Variants in ELMO1 observed in about 807,000 individuals in gnomAD.
ELMO1 encodes the protein engulfment and cell motility protein 1.
A neutral mutation model predicts 98.9 loss-of-function variants in ELMO1; 26 were observed. That is an observed-to-expected ratio of 0.26 (90% CI 0.19 to 0.36). The LOEUF is 0.36. Ranked by LOEUF, ELMO1 falls within the 10% of genes least tolerant of loss-of-function variation. The pLI, the probability that ELMO1 is intolerant of heterozygous loss-of-function variation, is 1.00. For synonymous variants in ELMO1, 346 were observed against 346.0 expected (o/e 1.00, Z 0.00); for missense variants, 627 against 935.2 (o/e 0.67, Z 4.30).
intron 11 of ELMO1, among the ~76,000 whole-genome samples, chr7:37,216,193 C>A (rs2130476448): frequency 6.6e-6 from 1 of 151,672 alleles, no homozygotes; most frequent in East Asian, 2.0e-4. Context: ...ATGAGTGGCT[C>A]CTATCTATAT....
At chr7:37,098,269 C>A (rs541676046) in intron 14 of ELMO1, among the ~76,000 whole-genome samples, 1 of 152,274 alleles carries the variant, frequency 6.6e-6, no homozygotes, top group South Asian at 2.1e-4. Flanking sequence ...TGTTATCCAC[C>A]AGGAAGATGG....
intron 14 of ELMO1, among the ~76,000 whole-genome samples, chr7:37,122,438 G>A (rs1185376124): frequency 6.6e-6 from 1 of 152,152 alleles, no homozygotes; most frequent in Non-Finnish European, 1.5e-5. Context: ...AGGGATGGAG[G>A]AAGATCTACC....
chr7:37,323,590 T>C (rs998185973), intron 2 of ELMO1, among the ~76,000 whole-genome samples: 21 of 152,080 alleles, frequency 1.4e-4, no homozygotes, highest in African/African-American at 4.8e-4. Flanking sequence ...CTAGGGAGGC[T>C]GAGGCAGGAG....
At chr7:37,115,112 C>A (rs1785498943) in intron 14 of ELMO1, among the ~76,000 whole-genome samples, 1 of 152,118 alleles carries the variant, frequency 6.6e-6, no homozygotes, top group East Asian at 1.9e-4. Context: ...TAATTAATGA[C>A]CTTCCAAAAT....
chr7:37,120,178 T>C (rs1297554423), intron 14 of ELMO1, among the ~76,000 whole-genome samples: 1 of 152,184 alleles, frequency 6.6e-6, no homozygotes, highest in African/African-American at 2.4e-5. Context: ...GATGGCCAAA[T>C]AGGAACAGCT....
At chr7:37,305,445 A>T (rs1430431733) in intron 4 of ELMO1, among the ~76,000 whole-genome samples, 3 of 122,820 alleles carry the variant, frequency 2.4e-5, no homozygotes, top group Admixed American at 7.9e-5. Context: ...CAGTACAGAT[A>T]GTGTGTGTGT....
chr7:37,251,627 C>G (rs557393345), intron 6 of ELMO1, among the ~76,000 whole-genome samples: 1 of 152,314 alleles, frequency 6.6e-6, no homozygotes, highest in Non-Finnish European at 1.5e-5. Context: ...CAATATCATA[C>G]TGAATGAGCA....
intron 13 of ELMO1, among the ~76,000 whole-genome samples, chr7:37,172,582 A>C (rs1346458665): frequency 1.3e-5 from 2 of 152,202 alleles, no homozygotes; most frequent in African/African-American, 4.8e-5. Flanking sequence ...ATTTGCTGTA[A>C]ATGGAGGAGC....
chr7:37,163,799 C>T (rs1027035360), intron 13 of ELMO1, among the ~76,000 whole-genome samples: 13 of 152,260 alleles, frequency 8.5e-5, no homozygotes, highest in South Asian at 2.1e-4. Flanking sequence ...AATAAACATA[C>T]GTGTGCATGT....
chr7:37,221,732 C>T (rs1793609309), intron 10 of ELMO1, among the ~76,000 whole-genome samples: 3 of 149,160 alleles, frequency 2.0e-5, no homozygotes, highest in African/African-American at 5.0e-5. Flanking sequence ...CTTGCTCTGT[C>T]GCCCAAGCTG....
At chr7:37,420,431 GATTTT>G in intron 1 of ELMO1, among the ~76,000 whole-genome samples, 2 of 152,302 alleles carry the variant, frequency 1.3e-5, no homozygotes, top group South Asian at 4.1e-4. Flanking sequence ...TTTTGTACCT[GATTTT>G]GTGTTATTTT....
intron 13 of ELMO1, among the ~76,000 whole-genome samples, chr7:37,151,520 A>G (rs1447814409): frequency 6.6e-6 from 1 of 152,130 alleles, no homozygotes; most frequent in Non-Finnish European, 1.5e-5. Context: ...GGGTAAACAT[A>G]TTGGGTTGAA....
chr7:37,206,245 A>C (rs571117456), intron 13 of ELMO1, among the ~76,000 whole-genome samples: 2 of 152,316 alleles, frequency 1.3e-5, no homozygotes, highest in South Asian at 4.1e-4. Context: ...TCTACACAAC[A>C]CACATATTGA....
chr7:36,879,810 T>C (rs1804276939), intron 18 of ELMO1, among the ~76,000 whole-genome samples: 1 of 152,238 alleles, frequency 6.6e-6, no homozygotes, highest in African/African-American at 2.4e-5. Flanking sequence ...TTATGCTATG[T>C]ATATACCAAA....
intron 16 of ELMO1, 128 bp from the exon 17 acceptor site, chr7:36,895,145 C>A: frequency 9.8e-7 from 1 of 1,025,068 alleles, no homozygotes. Flanking sequence ...TAACCTTGAG[C>A]ATGCTTTTCC....
At chr7:37,149,891 C>T (rs1453865399) in intron 13 of ELMO1, among the ~76,000 whole-genome samples, 1 of 152,262 alleles carries the variant, frequency 6.6e-6, no homozygotes, top group Non-Finnish European at 1.5e-5. Flanking sequence ...ATGTTTTGTT[C>T]CCCTGGATAC....
At chr7:36,916,157 T>C (rs1784674665) in intron 16 of ELMO1, among the ~76,000 whole-genome samples, 1 of 152,344 alleles carries the variant, frequency 6.6e-6, no homozygotes, top group South Asian at 2.1e-4. Context: ...TCCATAAACA[T>C]GGGAATTTCA....
chr7:37,077,953 AT>A (rs1354131533), intron 15 of ELMO1, among the ~76,000 whole-genome samples: 1 of 152,176 alleles, frequency 6.6e-6, no homozygotes, highest in Non-Finnish European at 1.5e-5. Flanking sequence ...ATTTAGTTTG[AT>A]ATTTTCCTCT....
At chr7:37,111,121 A>AGTAG (rs1563007855) in intron 14 of ELMO1, among the ~76,000 whole-genome samples, 1 of 152,164 alleles carries the variant, frequency 6.6e-6, no homozygotes, top group East Asian at 1.9e-4. Flanking sequence ...CCATTCTGAC[A>AGTAG]GTAGGTTCCT....
Sources: allele counts gnomAD v4.1 joint callset (sites outside exome capture counted in the v4.1 genomes callset), GRCh38; gene constraint gnomAD v4.1.1; transcripts MANE v1.5; gene names NCBI Gene and HGNC (gene_info 2026-07-23, HGNC 2026-07-21).